The following CDH20 variants were observed in gnomAD, a reference collection of about 807,000 sequenced individuals.
The protein encoded by CDH20 is cadherin-20.
In CDH20, 29 loss-of-function variants were observed where a neutral mutation model predicts 74.2. The observed-to-expected ratio is 0.39, with a 90% CI of 0.29 to 0.53. CDH20 has a LOEUF of 0.53. Among genes scored for constraint, CDH20 ranks in the 20% least tolerant of loss-of-function variants. The probability of loss-of-function intolerance (pLI) is 0.69; values close to 1 mark genes in which losing one functional copy is unlikely to be tolerated. For synonymous variants in CDH20, 469 were observed against 405.4 expected, an observed-to-expected ratio of 1.16 and a Z score of -1.88; for missense variants, 988 against 1,048.3, an observed-to-expected ratio of 0.94 and a Z score of 0.79.
At chr18:61,530,626 A>T (rs547455315) in intron 7 of CDH20, among the ~76,000 whole-genome samples, 1 of 152,332 alleles carries the variant, frequency 6.6e-6, no homozygotes, top group Admixed American at 6.5e-5. Flanking sequence ...TCAGGAATAT[A>T]TGCTGGTCCT....
intron 1 of CDH20, among the ~76,000 whole-genome samples, chr18:61,356,980 T>C (rs906748558): frequency 6.6e-6 from 1 of 152,156 alleles, no homozygotes; most frequent in African/African-American, 2.4e-5. Context: ...TAGAAACTAG[T>C]TCAATAGCCT....
chr18:61,520,275 C>T (rs1912151502), intron 6 of CDH20, among the ~76,000 whole-genome samples: 1 of 135,056 alleles, frequency 7.4e-6, no homozygotes. Context: ...TAGATCGTGC[C>T]ACTGCACTCC....
At chr18:61,406,729 G>T (rs1430871519) in intron 1 of CDH20, among the ~76,000 whole-genome samples, 36 of 152,186 alleles carry the variant, frequency 2.4e-4, no homozygotes, top group Non-Finnish European at 8.8e-5. Flanking sequence ...CGAAGAGGTG[G>T]AGGAAAGCGG....
intron 7 of CDH20, among the ~76,000 whole-genome samples, chr18:61,531,766 TAGTG>T (rs1912651599): frequency 1.3e-5 from 2 of 152,160 alleles, no homozygotes; most frequent in Admixed American, 6.5e-5. Flanking sequence ...GTTCTCATGA[TAGTG>T]AGTGAGTTCT....
chr18:61,541,134 C>T (rs1471642385), intron 9 of CDH20, among the ~76,000 whole-genome samples: 1 of 152,068 alleles, frequency 6.6e-6, no homozygotes, highest in Non-Finnish European at 1.5e-5. Flanking sequence ...AAAAACTACA[C>T]CTACATGCTT....
chr18:61,387,702 C>T (rs1294410448), intron 1 of CDH20, among the ~76,000 whole-genome samples: 1 of 152,144 alleles, frequency 6.6e-6, no homozygotes, highest in African/African-American at 2.4e-5. Context: ...CATTATATGT[C>T]TGCCAGCCAA....
chr18:61,405,244 C>A (rs1221417884), intron 1 of CDH20: 1 of 375,702 alleles, frequency 2.7e-6, no homozygotes, highest in Non-Finnish European at 5.0e-6. Flanking sequence ...CAACCAGGAG[C>A]TGCTGCTAAG....
At chr18:61,377,072 A>T (rs1911260316) in intron 1 of CDH20, among the ~76,000 whole-genome samples, 2 of 152,294 alleles carry the variant, frequency 1.3e-5, no homozygotes, top group East Asian at 1.9e-4. Flanking sequence ...TCATTCAGGG[A>T]CATGAGTCCC....
chr18:61,352,164 C>T lies in CDH20; in HGVS notation c.-153+18337C>T, dbSNP rs185239529. Among the ~76,000 whole-genome samples, 827 of 152,270 alleles carry T rather than the reference C, an allele frequency of 5.4e-3. 22 individuals are homozygous for T. Among genetic ancestry groups the T allele is most frequent in the Admixed American group, 0.048 (731 of 15,298 alleles). On this transcript the variant is annotated intron_variant, in intron 1 of 11. Transcript: ENST00000262717. ...ACACATCTTAATAAACCATAATGAA[C>T]TGGAAACATGAAGAATAACTGGATA...
At chr18:61,405,823 G>T (rs1912311838) in intron 1 of CDH20, among the ~76,000 whole-genome samples, 2 of 152,162 alleles carry the variant, frequency 1.3e-5, no homozygotes, top group African/African-American at 4.8e-5. Context: ...AGAGGACTGT[G>T]CCACATGCTT....
chr18:61,537,468 A>G (rs1912852594), intron 8 of CDH20, among the ~76,000 whole-genome samples: 1 of 152,256 alleles, frequency 6.6e-6, no homozygotes, highest in South Asian at 2.1e-4. Context: ...ATTATGGTAC[A>G]ACCTATAGTA....
At position 61,453,862 on chromosome 18, in the gene CDH20, A is replaced by AT. The variant is rs1019801219; in HGVS notation, c.-152-36532dup. On this transcript the variant is annotated intron_variant, in intron 1 of 11. Coordinates refer to ENST00000262717, the MANE Select transcript of CDH20 (RefSeq NM_031891.4). ...GGATGGTATGGCAGTTGCATGTTTA[A>AT]TTTTTTTTAAGAAACTGCCAAAGTA... 5.9e-5 allele frequency among the ~76,000 whole-genome samples: 9 copies of AT among 152,044 alleles called. No homozygotes were observed. The East Asian group carries it at 9.7e-4, about 16-fold the overall frequency.
chr18:61,462,406 A>G (rs910965360), intron 1 of CDH20, among the ~76,000 whole-genome samples: 1 of 152,132 alleles, frequency 6.6e-6, no homozygotes, highest in Non-Finnish European at 1.5e-5. Flanking sequence ...TTAAGGACCC[A>G]TTCTAACAGC....
chr18:61,468,772 G>A (rs563824948), intron 1 of CDH20, among the ~76,000 whole-genome samples: 22 of 152,306 alleles, frequency 1.4e-4, no homozygotes, highest in African/African-American at 5.1e-4. Flanking sequence ...TGTAAACTAT[G>A]GATTGTGGGT....
intron 1 of CDH20, among the ~76,000 whole-genome samples, chr18:61,464,368 A>T (rs1256417447): frequency 6.6e-6 from 1 of 151,842 alleles, no homozygotes; most frequent in Non-Finnish European, 1.5e-5. Flanking sequence ...TCCTGTCCAA[A>T]CCTAGTCTCA....
chr18:61,392,350 A>G (rs2144206311), intron 1 of CDH20, among the ~76,000 whole-genome samples: 1 of 152,252 alleles, frequency 6.6e-6, no homozygotes, highest in South Asian at 2.1e-4. Context: ...TACCCACTCT[A>G]AATCAGCTCC....
intron 1 of CDH20, among the ~76,000 whole-genome samples, chr18:61,453,576 G>A (rs1021781717): frequency 1.3e-5 from 2 of 152,206 alleles, no homozygotes; most frequent in African/African-American, 4.8e-5. Context: ...ACCACGCCCA[G>A]CCGATCTAAC....
At chr18:61,509,483 G>A (rs1425867264) in intron 6 of CDH20, among the ~76,000 whole-genome samples, 1 of 152,178 alleles carries the variant, frequency 6.6e-6, no homozygotes, top group Non-Finnish European at 1.5e-5. Context: ...CATGCCTGTT[G>A]TATTTCAAGA....
chr18:61,387,595 C>T (rs562576793), intron 1 of CDH20, among the ~76,000 whole-genome samples: 1 of 152,262 alleles, frequency 6.6e-6, no homozygotes, highest in South Asian at 2.1e-4. Context: ...AGTCAAGTGC[C>T]TTCATGAAAT....
Sources: allele counts gnomAD v4.1 joint callset (sites outside exome capture counted in the v4.1 genomes callset), GRCh38; gene constraint gnomAD v4.1.1; transcripts MANE v1.5; gene names NCBI Gene and HGNC (gene_info 2026-07-23, HGNC 2026-07-21).